The following TXNRD1 variants were observed in gnomAD, a reference collection of about 807,000 sequenced individuals.
TXNRD1 encodes the protein thioredoxin reductase 1, cytoplasmic.
A neutral mutation model predicts 80.3 loss-of-function variants in TXNRD1; 57 were observed. The observed-to-expected ratio is 0.71, with a 90% CI of 0.57 to 0.89. The LOEUF (loss-of-function observed/expected upper bound fraction) is 0.89, where lower values mean the gene tolerates loss of function less well. Ranked by LOEUF, TXNRD1 falls within the 40% of genes least tolerant of loss-of-function variation. TXNRD1 has a pLI of 0.00. For synonymous variants in TXNRD1, 291 were observed against 285.2 expected (o/e 1.02, Z -0.20); for missense variants, 730 against 803.0 (o/e 0.91, Z 1.10).
rs60817773 is a variant in TXNRD1 at position 104,294,233 on chromosome 12, G to GGCGCA, written c.414+5193_414+5194insGCGCA. On this transcript the variant is annotated intron_variant, in intron 4 of 16. Coordinates refer to ENST00000525566, the MANE Select transcript of TXNRD1 (RefSeq NM_001093771.3). ...CTTCTCTAAACTCCCCCGGGGAAAG[G>GGCGCA]CCCCCCCCCCCGCCGCCGGCTTTCC... 2.9e-5 allele frequency among the ~76,000 whole-genome samples: 2 copies of GGCGCA among 68,884 alleles called. 1 individual carries two copies. The highest frequency in any genetic ancestry group is 5.5e-5 in the Non-Finnish European group (2 of 36,172). The allele number at this position is 68,884 out of a possible 152,430, so 45.2% of individuals were successfully genotyped here.
At chr12:104,218,183 G>A (rs1221217513) in intron 1 of TXNRD1, among the ~76,000 whole-genome samples, 5 of 151,876 alleles carry the variant, frequency 3.3e-5, no homozygotes, top group Non-Finnish European at 2.9e-5. Flanking sequence ...CCGCCACCAT[G>A]CCCAGCTAAT....
intron 4 of TXNRD1, chr12:104,303,718 CG>C: frequency 2.7e-6 from 2 of 754,650 alleles, no homozygotes; most frequent in Middle Eastern, 4.1e-4. Flanking sequence ...CGGGTCGCGC[CG>C]GGCCGGGCCG....
At chr12:104,221,421 G>A (rs1174625919) in intron 1 of TXNRD1, among the ~76,000 whole-genome samples, 3 of 152,112 alleles carry the variant, frequency 2.0e-5, no homozygotes, top group South Asian at 2.1e-4. Context: ...GGGTTCAAGC[G>A]ATTCTCCTGC....
In TXNRD1 at chr12:104,238,277, G is replaced by A. The variant is rs150709558; in HGVS notation, c.92-13250G>A. 5.6e-3 allele frequency among the ~76,000 whole-genome samples: 846 copies of A among 152,276 alleles called. 4 individuals are homozygous for A. Among genetic ancestry groups the A allele is most frequent in the African/African-American group, 0.019 (802 of 41,546 alleles). ...AGGACGTTAACAGGTGTTCTCAAAT[G>A]CAGGTTTTTAATAGCTTTTAATATT... On this transcript the variant is annotated intron_variant, in intron 1 of 16. Transcript: ENST00000525566.
chr12:104,337,867 G>A (rs1468550385), intron 15 of TXNRD1, among the ~76,000 whole-genome samples: 1 of 151,326 alleles, frequency 6.6e-6, no homozygotes, highest in Non-Finnish European at 1.5e-5. Context: ...GCTCACTGCA[G>A]CCTCGACCTC....
At chr12:104,254,644 A>AAAAAAAAAAAAAAAAAAAAAAAT in intron 2 of TXNRD1, among the ~76,000 whole-genome samples, 4 of 93,636 alleles carry the variant, frequency 4.3e-5, no homozygotes, top group East Asian at 2.7e-4. Flanking sequence ...AAAAAAAAAA[A>AAAAAAAAAAAAAAAAAAAAAAAT]ATATATATAT....
chr12:104,325,010 CCTGGGAAAAG>C, intron 10 of TXNRD1, among the ~76,000 whole-genome samples: 1 of 152,264 alleles, frequency 6.6e-6, no homozygotes, highest in East Asian at 1.9e-4. Flanking sequence ...AAGATAGAAA[CCTGGGAAAAG>C]CAGTAAGTCA....
chr12:104,217,751 C>T (rs1225823752), intron 1 of TXNRD1, among the ~76,000 whole-genome samples: 1 of 152,134 alleles, frequency 6.6e-6, no homozygotes, highest in Non-Finnish European at 1.5e-5. Context: ...CCGTTTCCCC[C>T]AGCCCCTGGT....
intron 3 of TXNRD1, among the ~76,000 whole-genome samples, chr12:104,278,225 G>T (rs1482315110): frequency 9.9e-6 from 1 of 100,552 alleles, no homozygotes; most frequent in South Asian, 3.3e-4. Flanking sequence ...TTTTGAGACG[G>T]AGTCTTGCTC....
chr12:104,231,651 C>A (rs1022400212), intron 1 of TXNRD1, among the ~76,000 whole-genome samples: 1 of 152,154 alleles, frequency 6.6e-6, no homozygotes, highest in East Asian at 1.9e-4. Flanking sequence ...TTTTACTTGC[C>A]AAGATATAGA....
chr12:104,309,798 T>C (rs1409838909), intron 4 of TXNRD1: 1 of 1,533,522 alleles, frequency 6.5e-7, no homozygotes. Flanking sequence ...ATAATGCCAG[T>C]TGATGACTAC....
In TXNRD1 at chr12:104,325,871, CAA is replaced by C. The variant is rs34788892; in HGVS notation, c.1308+458_1308+459del. ...TGGGTGACAGAGCGAGACTCCATCT[CAA>C]AAAAAAAAAAAAAAAGTTGTTTTGG... On this transcript the variant is annotated intron_variant, in intron 11 of 16. Transcript: ENST00000525566. Among the ~76,000 whole-genome samples the C allele has an allele frequency of 2.1e-3, 276 of 129,988 alleles. 1 individual carries two copies. Among genetic ancestry groups the C allele is most frequent in the Middle Eastern group, 3.9e-3 (1 of 256 alleles). 85.3% of individuals were successfully genotyped at this position (129,988 alleles called of 152,430 possible). A position where few individuals can be genotyped will look rare whatever the true frequency, so the allele number is the denominator to read the frequency against.
intron 4 of TXNRD1, among the ~76,000 whole-genome samples, chr12:104,302,485 C>CTTTTTTTTTT (rs1565887593): frequency 9.4e-5 from 3 of 31,790 alleles, no homozygotes; most frequent in African/African-American, 5.8e-4. Context: ...GTATTCATTC[C>CTTTTTTTTTT]CTTTTTTTTT....
chr12:104,339,148 G>A lies in TXNRD1; in HGVS notation c.1756G>A (p.Val586Met). The A allele has an allele frequency of 1.2e-6, 2 of 1,613,768 alleles. No individual in the cohort carries two copies. The highest frequency in any genetic ancestry group is 8.5e-7 in the Non-Finnish European group (1 of 1,179,804). ...TTTTTTTTTGCCTTAGGAACGTGTT[G>A]TGGGCTTTCACGTACTGGGTCCAAA... The part of the protein sequence containing the change: ...ICNTKDNERV[V>M]GFHVLGPNAG... Residue 586 changes from valine (V) to methionine (M), a missense_variant, in exon 16 of 17, where the codon GTG becomes ATG. Val to Met is a conservative substitution (Grantham distance 21). Coordinates refer to ENST00000525566, the MANE Select transcript of TXNRD1 (RefSeq NM_001093771.3).
chr12:104,274,052 AAAAAC>A (rs1277688348), intron 3 of TXNRD1, among the ~76,000 whole-genome samples: 1 of 152,132 alleles, frequency 6.6e-6, no homozygotes, highest in East Asian at 1.9e-4. Context: ...ACTCCATCTC[AAAAAC>A]AAAACAAAAC....
intron 1 of TXNRD1, among the ~76,000 whole-genome samples, chr12:104,217,004 G>A (rs1454285343): frequency 6.6e-6 from 1 of 152,202 alleles, no homozygotes; most frequent in African/African-American, 2.4e-5. Context: ...CTTGTTAGGG[G>A]AAGCAGCCGG....
intron 11 of TXNRD1, 28 bp downstream of exon 11, chr12:104,325,457 T>C (rs1430245100): frequency 2.0e-6 from 3 of 1,521,486 alleles, no homozygotes; most frequent in African/African-American, 1.4e-5. Context: ...GTTAATACTT[T>C]ATCAGAAAGC....
intron 13 of TXNRD1, among the ~76,000 whole-genome samples, chr12:104,328,007 A>C (rs2035824105): frequency 6.6e-6 from 1 of 151,600 alleles, no homozygotes; most frequent in African/African-American, 2.4e-5. Flanking sequence ...AAAAATACAA[A>C]AATTAGCTGG....
chr12:104,287,650 C>A (rs7962942), intron 3 of TXNRD1, among the ~76,000 whole-genome samples: 1 of 151,974 alleles, frequency 6.6e-6, no homozygotes, highest in African/African-American at 2.4e-5. Context: ...TCAGAAAGAT[C>A]AAGTGGCGTG....
Sources: gnomAD v4.1 joint callset for allele counts (sites outside exome capture counted in the v4.1 genomes callset) on GRCh38, gnomAD v4.1.1 for gene constraint, MANE v1.5 for transcripts, NCBI Gene and HGNC (gene_info 2026-07-23, HGNC 2026-07-21) for gene names.